Variants in ADAMTS2 observed in about 807,000 individuals in gnomAD.
The protein encoded by ADAMTS2 is ADAM metallopeptidase with thrombospondin type 1 motif 2.
A neutral mutation model predicts 123.0 loss-of-function variants in ADAMTS2; 50 were observed. The ratio of observed to expected loss-of-function variants is 0.41; its 90% CI spans 0.32 to 0.51. The LOEUF (loss-of-function observed/expected upper bound fraction) is 0.51. Among genes scored for constraint, ADAMTS2 ranks in the 20% least tolerant of loss-of-function variants. The probability of loss-of-function intolerance (pLI) is 0.35; values close to 1 mark genes in which losing one functional copy is unlikely to be tolerated. For synonymous variants in ADAMTS2, 678 were observed against 695.4 expected (o/e 0.98, Z 0.39); for missense variants, 1,494 against 1,705.2 (o/e 0.88, Z 2.18).
chr5:179,183,693 G>C (rs1273651114), intron 4 of ADAMTS2, among the ~76,000 whole-genome samples: 1 of 152,212 alleles, frequency 6.6e-6, no homozygotes, highest in Non-Finnish European at 1.5e-5. Context: ...GGCACCACCA[G>C]GCTTCAGGGC....
chr5:179,150,265 CG>C (rs1470139093), intron 10 of ADAMTS2, among the ~76,000 whole-genome samples: 1 of 152,214 alleles, frequency 6.6e-6, no homozygotes, highest in Non-Finnish European at 1.5e-5. Context: ...TCAGCTTTTC[CG>C]AAGCTCCCCC....
Position 179,139,880 on chromosome 5 carries a change from G to T in ADAMTS2, c.1775+10C>A. The T allele has an allele frequency of 6.2e-7, 1 of 1,611,844 alleles. No individual in the cohort carries two copies. Among genetic ancestry groups the T allele is most frequent in the South Asian group, 1.1e-5 (1 of 91,006 alleles). On this transcript the variant is annotated intron_variant, in intron 11 of 21. Coordinates refer to ENST00000251582, the MANE Select transcript of ADAMTS2 (RefSeq NM_014244.5). ...CTCAGCAAGGCCAGGGGGACATGGG[G>T]CCAACTCACTGTGGGTTGTCACACT...
At chr5:179,335,503 C>A (rs576171528) in intron 2 of ADAMTS2, among the ~76,000 whole-genome samples, 1 of 152,048 alleles carries the variant, frequency 6.6e-6, no homozygotes, top group African/African-American at 2.4e-5. Context: ...ACTATTAGAG[C>A]CTTACAGTTC....
chr5:179,262,182 C>T lies in ADAMTS2; in HGVS notation c.688+10729G>A, dbSNP rs894019491. Among the ~76,000 whole-genome samples, 1 of 152,088 alleles carries T rather than the reference C, an allele frequency of 6.6e-6. No homozygotes were observed. Among genetic ancestry groups the T allele is most frequent in the Admixed American group, 6.5e-5 (1 of 15,288 alleles). On this transcript the variant is annotated intron_variant, in intron 3 of 21. Coordinates refer to ENST00000251582, the MANE Select transcript of ADAMTS2 (RefSeq NM_014244.5). This position sits in a 1 kb window ranked among gnomAD's most constrained non-coding sequence, Gnocchi z 5.9. ...CTGCACGTGGCCCAGACCACCTAAC[C>T]TGCCACCCCCACCAGCACACCTGCC...
chr5:179,322,897 T>G (rs458925), intron 2 of ADAMTS2, among the ~76,000 whole-genome samples: 100,578 of 152,158 alleles, frequency 0.66, 33,663 homozygotes, highest in African/African-American at 0.71. Context: ...GCCTGGCAAG[T>G]CCTCTCCTGG....
Position 179,118,658 on chromosome 5 carries a change from A to T in ADAMTS2, c.3178+3003T>A, listed in dbSNP as rs1331694974. On this transcript the variant is annotated intron_variant, in intron 21 of 21. Transcript: ENST00000251582. This position sits in a 1 kb window ranked among gnomAD's most constrained non-coding sequence, Gnocchi z 4.5. ...AAAGCTACTGCAGTGAACAAAGGTA[A>T]CCCTAAAATAGGAATACAAAAAAAA... 6.6e-6 allele frequency among the ~76,000 whole-genome samples: 1 copy of T among 152,192 alleles called. No individual in the cohort carries two copies. The highest frequency in any genetic ancestry group is 6.5e-5 in the Admixed American group (1 of 15,280).
At chr5:179,176,196 CTAGTTTTCT>C (rs1471230221) in intron 5 of ADAMTS2, among the ~76,000 whole-genome samples, 1 of 152,156 alleles carries the variant, frequency 6.6e-6, no homozygotes, top group East Asian at 1.9e-4. Context: ...CCCTCTGTTA[CTAGTTTTCT>C]GGGGATCTGG....
chr5:179,253,255 G>T (rs796556813), intron 3 of ADAMTS2, among the ~76,000 whole-genome samples: 7 of 152,280 alleles, frequency 4.6e-5, no homozygotes, highest in African/African-American at 1.7e-4. Context: ...CTGGATTATT[G>T]ATAAATCTGG....
At position 179,263,619 on chromosome 5, in the gene ADAMTS2, G is replaced by A. The variant is rs533412053; in HGVS notation, c.688+9292C>T. ...GCCGGGTTCTCTACCAGCTGTGCTC[G>A]TGGCGCAGCCCACACCTCACGGCAA... On this transcript the variant is annotated intron_variant, in intron 3 of 21. Transcript: ENST00000251582. Among the ~76,000 whole-genome samples the A allele has an allele frequency of 6.2e-4, 95 of 152,336 alleles. 2 individuals are homozygous for A. Among genetic ancestry groups the A allele is most frequent in the African/African-American group, 1.8e-3 (75 of 41,578 alleles).
intron 2 of ADAMTS2, among the ~76,000 whole-genome samples, chr5:179,333,423 G>A (rs1401118502): frequency 1.3e-5 from 2 of 152,142 alleles, no homozygotes; most frequent in Non-Finnish European, 2.9e-5. Flanking sequence ...CTTTTGAAAA[G>A]TACAGACCCC....
At chr5:179,220,332 G>A (rs1047547992) in intron 3 of ADAMTS2, among the ~76,000 whole-genome samples, 9 of 152,168 alleles carry the variant, frequency 5.9e-5, no homozygotes, top group African/African-American at 1.7e-4. Context: ...CCATGTGGCC[G>A]GAGGCTTGGC....
chr5:179,196,562 C>T lies in ADAMTS2; in HGVS notation c.891+10951G>A, dbSNP rs981231219. On this transcript the variant is annotated intron_variant, in intron 4 of 21. Coordinates refer to ENST00000251582, the MANE Select transcript of ADAMTS2 (RefSeq NM_014244.5). ...AAAAGAATCCCCGAAGTAGCCTCAC[C>T]GGTCCTTTGAGCTGATAAGGCTAGT... 3.3e-5 allele frequency among the ~76,000 whole-genome samples: 5 copies of T among 152,208 alleles called. No individual in the cohort carries two copies. The East Asian group carries it at 5.8e-4, about 18-fold the overall frequency.
At chr5:179,269,370 G>A (rs1271990436) in intron 3 of ADAMTS2, among the ~76,000 whole-genome samples, 6 of 151,128 alleles carry the variant, frequency 4.0e-5, no homozygotes, top group Non-Finnish European at 8.8e-5. Context: ...AAAGAAAGAG[G>A]TTTATTGGAC....
intron 3 of ADAMTS2, among the ~76,000 whole-genome samples, chr5:179,258,274 C>G (rs1408027991): frequency 6.6e-6 from 1 of 152,088 alleles, no homozygotes; most frequent in African/African-American, 2.4e-5. Flanking sequence ...CAGACCGCCC[C>G]CCGCCAACCC....
At chr5:179,165,283 C>T (rs1763675264) in intron 5 of ADAMTS2, among the ~76,000 whole-genome samples, 1 of 152,214 alleles carries the variant, frequency 6.6e-6, no homozygotes, top group African/African-American at 2.4e-5. Context: ...TGTATCAAGC[C>T]TGGGAACTGT....
In ADAMTS2 at chr5:179,185,106, C is replaced by T. The variant is rs1393717578; in HGVS notation, c.892-3951G>A. Among the ~76,000 whole-genome samples, 1 of 152,070 alleles carries T rather than the reference C, an allele frequency of 6.6e-6. No individual in the cohort carries two copies. The highest frequency in any genetic ancestry group is 1.5e-5 in the Non-Finnish European group (1 of 68,016). On this transcript the variant is annotated intron_variant, in intron 4 of 21. Transcript: ENST00000251582. This position sits in a 1 kb window ranked among gnomAD's most constrained non-coding sequence, Gnocchi z 5.9. ...CACAGAGGGGATGTGGAAGGGATGC[C>T]CCAGCAGAGGAGGTGGGAGGGGAGC...
intron 2 of ADAMTS2, among the ~76,000 whole-genome samples, chr5:179,328,446 A>C (rs1757370799): frequency 6.6e-6 from 1 of 152,228 alleles, no homozygotes; most frequent in Non-Finnish European, 1.5e-5. Flanking sequence ...ATTGGGAGCA[A>C]AGGATCTGAA....
rs145188007 is a variant in ADAMTS2, at chr5:179,324,552, G to A, written c.534+19215C>T. On this transcript the variant is annotated intron_variant, in intron 2 of 21. Coordinates refer to ENST00000251582, the MANE Select transcript of ADAMTS2 (RefSeq NM_014244.5). ...ACTACAGATGCCCGCCACCACGCCC[G>A]GCTAGTTCCTTGTATTTTAGTAGAG... Among the ~76,000 whole-genome samples the A allele has an allele frequency of 5.2e-3, 788 of 152,094 alleles. 3 individuals carry two copies. The highest frequency in any genetic ancestry group is 0.014 in the Middle Eastern group (4 of 294).
intron 2 of ADAMTS2, among the ~76,000 whole-genome samples, chr5:179,329,153 C>G (rs561797675): frequency 1.3e-5 from 2 of 152,058 alleles, no homozygotes; most frequent in Admixed American, 1.3e-4. Flanking sequence ...CGGTGAAACC[C>G]CGTCTCTACT....
Sources: allele counts gnomAD v4.1 joint callset (sites outside exome capture counted in the v4.1 genomes callset), GRCh38; gene constraint gnomAD v4.1.1; non-coding constraint Gnocchi (gnomAD v3.1); transcripts MANE v1.5; gene names NCBI Gene and HGNC (gene_info 2026-07-23, HGNC 2026-07-21).